NCALD: variants seen among roughly 807,000 people sequenced by gnomAD.
NCALD encodes the protein neurocalcin-delta.
In NCALD, 10 loss-of-function variants were observed where a neutral mutation model predicts 18.6. The ratio of observed to expected loss-of-function variants is 0.54; its 90% CI spans 0.33 to 0.91. The LOEUF (loss-of-function observed/expected upper bound fraction) is 0.91, where lower values mean the gene tolerates loss of function less well. Among genes scored for constraint, NCALD ranks in the 40% least tolerant of loss-of-function variants. The probability of loss-of-function intolerance (pLI) is 0.03; values close to 1 mark genes in which losing one functional copy is unlikely to be tolerated. For missense variants in NCALD, 184 were observed against 247.6 expected, an observed-to-expected ratio of 0.74 and a Z score of 1.72; for synonymous variants, 88 against 87.4, an observed-to-expected ratio of 1.01 and a Z score of -0.04.
At chr8:101,955,860 A>G (rs993182285) in intron 2 of NCALD, among the ~76,000 whole-genome samples, 1 of 152,144 alleles carries the variant, frequency 6.6e-6, no homozygotes, top group Non-Finnish European at 1.5e-5. Context: ...CCTAATATTG[A>G]TCATGGTAAT....
Position 102,106,015 on chromosome 8 carries a change from A to G in NCALD, c.-210+18222T>C, listed in dbSNP as rs765135495. ...TTGCTACAAGAACCTCCGTTACTCA[A>G]ATTAGTTTGAGTGACATCCTAGTCC... On this transcript the variant is annotated intron_variant, in intron 1 of 6. Coordinates refer to the NCALD transcript ENST00000311028. Among the ~76,000 whole-genome samples the G allele has an allele frequency of 2.6e-5, 4 of 152,112 alleles. No individual in the cohort carries two copies. The East Asian group carries it at 5.8e-4, about 22-fold the overall frequency.
chr8:102,032,316 A>T (rs542519254), intron 1 of NCALD, among the ~76,000 whole-genome samples: 2 of 152,250 alleles, frequency 1.3e-5, no homozygotes, highest in East Asian at 3.9e-4. Context: ...ACGGCTTCAA[A>T]AGGAGTTCCC....
intron 2 of NCALD, among the ~76,000 whole-genome samples, chr8:101,946,172 T>TG (rs1442561192): frequency 6.6e-6 from 1 of 152,186 alleles, no homozygotes; most frequent in East Asian, 1.9e-4. Context: ...CATGAATTTT[T>TG]GGGGGTCTTA....
intron 1 of NCALD, among the ~76,000 whole-genome samples, chr8:102,037,024 T>A (rs906927433): frequency 6.6e-5 from 10 of 152,292 alleles, no homozygotes; most frequent in African/African-American, 2.4e-4. Flanking sequence ...AAGCGTTGTA[T>A]AATCTGTAAT....
intron 1 of NCALD, among the ~76,000 whole-genome samples, chr8:102,042,067 T>A (rs564395908): frequency 4.6e-5 from 7 of 151,972 alleles, no homozygotes; most frequent in African/African-American, 1.7e-4. Flanking sequence ...TAGCAAAGCT[T>A]GGTCTAGGCC....
chr8:101,979,505 G>GA (rs538677595), intron 2 of NCALD, among the ~76,000 whole-genome samples: 82 of 152,308 alleles, frequency 5.4e-4, no homozygotes, highest in African/African-American at 1.9e-3. Flanking sequence ...AGCACTCTTG[G>GA]AGCTTACAGC....
chr8:101,729,659 A>G (rs1816729687), intron 1 of NCALD, among the ~76,000 whole-genome samples: 1 of 152,212 alleles, frequency 6.6e-6, no homozygotes, highest in Non-Finnish European at 1.5e-5. Context: ...CTCACTAGAA[A>G]CAAATGTACT....
chr8:102,028,549 G>A (rs1235953813), intron 1 of NCALD, among the ~76,000 whole-genome samples: 4 of 152,160 alleles, frequency 2.6e-5, no homozygotes, highest in African/African-American at 7.2e-5. Context: ...ACCTTCTGAT[G>A]GGAAAATAAT....
chr8:102,005,910 T>G (rs2132045920), intron 2 of NCALD, among the ~76,000 whole-genome samples: 1 of 151,228 alleles, frequency 6.6e-6, no homozygotes, highest in East Asian at 1.9e-4. Context: ...GGGATAGCAT[T>G]AGGAGATATA....
chr8:101,868,436 C>T (rs1388107503), intron 4 of NCALD, among the ~76,000 whole-genome samples: 1 of 152,148 alleles, frequency 6.6e-6, no homozygotes, highest in Non-Finnish European at 1.5e-5. Context: ...CTTCCTAGAA[C>T]TAAATCAAAA....
At chr8:102,082,226 C>CTTTTTTTTT (rs757875219) in intron 1 of NCALD, among the ~76,000 whole-genome samples, 49 of 71,866 alleles carry the variant, frequency 6.8e-4, no homozygotes, top group Non-Finnish European at 9.3e-4. Flanking sequence ...GAAGCTCTCT[C>CTTTTTTTTT]TTTTTTTTTT....
chr8:102,105,307 T>C (rs1825409928), intron 1 of NCALD, among the ~76,000 whole-genome samples: 1 of 152,208 alleles, frequency 6.6e-6, no homozygotes, highest in Non-Finnish European at 1.5e-5. Flanking sequence ...GTACCAGAGA[T>C]GTTAATTTCC....
At chr8:101,953,253 A>T (rs1586816989) in intron 2 of NCALD, among the ~76,000 whole-genome samples, 1 of 152,146 alleles carries the variant, frequency 6.6e-6, no homozygotes, top group African/African-American at 2.4e-5. Context: ...GTGGCTCCTC[A>T]ACCTAAGAGT....
chr8:101,816,487 G>C (rs1018830588), intron 4 of NCALD, among the ~76,000 whole-genome samples: 1 of 152,088 alleles, frequency 6.6e-6, no homozygotes, highest in Non-Finnish European at 1.5e-5. Flanking sequence ...ACATAATTTA[G>C]TTACTTTTTC....
chr8:101,717,019 C>T (rs1338253956), intron 2 of NCALD, among the ~76,000 whole-genome samples: 2 of 152,112 alleles, frequency 1.3e-5, no homozygotes, highest in African/African-American at 4.8e-5. Flanking sequence ...TAATTTTAGC[C>T]CAATGAAACT....
chr8:101,879,422 G>A (rs890838473), intron 4 of NCALD, among the ~76,000 whole-genome samples: 6 of 151,668 alleles, frequency 4.0e-5, no homozygotes, highest in Admixed American at 2.6e-4. Context: ...ATTTCTCCCA[G>A]TGGCTTCGTG....
At chr8:101,736,761 C>G (rs1018954099) in intron 1 of NCALD, among the ~76,000 whole-genome samples, 1 of 152,118 alleles carries the variant, frequency 6.6e-6, no homozygotes, top group Non-Finnish European at 1.5e-5. Context: ...GGAATAAGAA[C>G]AGACTCAGAG....
In NCALD at chr8:101,715,003, C is replaced by CA. The variant is rs1297532566; in HGVS notation, c.378+4248dup. ...TGGGCGACAGAGCGAGACTCCGTCT[C>CA]AAAAAAAAAAAAAGAACAAAGCTGG... On this transcript the variant is annotated intron_variant, in intron 2 of 3. Coordinates refer to ENST00000220931, the MANE Select transcript of NCALD (RefSeq NM_032041.3). Among the ~76,000 whole-genome samples the CA allele has an allele frequency of 4.6e-3, 470 of 103,106 alleles. 18 individuals are homozygous for CA. The highest frequency in any genetic ancestry group is 9.3e-3 in the Admixed American group (96 of 10,274). The allele number at this position is 103,106 out of a possible 152,430, so 67.6% of individuals were successfully genotyped here. A position where few individuals can be genotyped will look rare whatever the true frequency, so the allele number is the denominator to read the frequency against.
intron 4 of NCALD, among the ~76,000 whole-genome samples, chr8:101,880,886 A>G (rs536235597): frequency 1.3e-5 from 2 of 152,282 alleles, no homozygotes; most frequent in East Asian, 3.9e-4. Context: ...AAGGGAGGTA[A>G]TGGAGATAAA....
Sources: gnomAD v4.1 joint callset for allele counts (sites outside exome capture counted in the v4.1 genomes callset) on GRCh38, gnomAD v4.1.1 for gene constraint, MANE v1.5 for transcripts, NCBI Gene and HGNC (gene_info 2026-07-23, HGNC 2026-07-21) for gene names.